ATP10D: variants seen among roughly 807,000 people sequenced by gnomAD.
ATP10D encodes phospholipid-transporting ATPase VD.
ATP10D carries 89 observed loss-of-function variants against 144.8 expected under a neutral mutation model. The observed-to-expected ratio is 0.61, with a 90% CI of 0.52 to 0.73. ATP10D has a LOEUF of 0.73. ATP10D is among the 30% of genes least tolerant of loss of function. The pLI, the probability that ATP10D is intolerant of heterozygous loss-of-function variation, is 0.00. For synonymous variants in ATP10D, 571 were observed against 615.1 expected (o/e 0.93, Z 1.06); for missense variants, 1,603 against 1,714.8 (o/e 0.93, Z 1.15).
In ATP10D at chr4:47,554,896, T is replaced by G. The variant is rs199609412; in HGVS notation, c.1806T>G (p.Pro602=). ...GCAACACAGTAGTGGTTTCTGCTCC[T>G]AACCAACCCCGACAAAAGGTGAGTA... ...AICNTVVVSA[P]NQPRQKIRHP... Residue 602 remains proline, a synonymous_variant, in exon 11 of 23, where the codon CCT becomes CCG. Coordinates refer to ENST00000273859, the MANE Select transcript of ATP10D (RefSeq NM_020453.4). 1.7e-5 allele frequency: 28 copies of G among 1,613,720 alleles called. No individual in the cohort carries two copies. Among genetic ancestry groups the G allele is most frequent in the Non-Finnish European group, 2.4e-5 (28 of 1,179,894 alleles).
At position 47,569,082 on chromosome 4, in the gene ATP10D, G is replaced by T. The variant is rs751301618; in HGVS notation, c.3099G>T (p.Pro1033=). 1 of 1,614,076 alleles carries T rather than the reference G, an allele frequency of 6.2e-7. No individual in the cohort carries two copies. Among genetic ancestry groups the T allele is most frequent in the African/African-American group, 1.3e-5 (1 of 74,926 alleles). The change falls in exon 16 of 23, where the codon CCG becomes CCT. Residue 1033 remains proline (P), a synonymous_variant. Coordinates refer to ENST00000273859, the MANE Select transcript of ATP10D (RefSeq NM_020453.4). ...CTGTGGTCTGCTGCCGAGCCACACC[G>T]CTGCAGAAAAGTGAAGTGGTGAAAT... ...CQAVVCCRAT[P]LQKSEVVKLV...
intron 14 of ATP10D, among the ~76,000 whole-genome samples, chr4:47,561,452 C>G (rs1231875512): frequency 6.6e-6 from 1 of 151,962 alleles, no homozygotes; most frequent in Non-Finnish European, 1.5e-5. Context: ...TTTGAATTCT[C>G]ACAACAAATC....
At position 47,504,707 on chromosome 4, in the gene ATP10D, C is replaced by T. The variant is rs545689911; in HGVS notation, c.-37-7797C>T. Among the ~76,000 whole-genome samples, 21 of 152,196 alleles carry T rather than the reference C, an allele frequency of 1.4e-4. 1 individual carries two copies. The highest frequency in any genetic ancestry group is 4.8e-4 in the African/African-American group (20 of 41,512). On this transcript the variant is annotated intron_variant, in intron 1 of 22. Coordinates refer to ENST00000273859, the MANE Select transcript of ATP10D (RefSeq NM_020453.4). ...CCTCCCAAGTAGCTGGGACTACAGG[C>T]GCCCGCCACCACGCCTGGCTAATTT...
intron 1 of ATP10D, among the ~76,000 whole-genome samples, chr4:47,496,854 A>T (rs920328017): frequency 1.3e-5 from 2 of 151,860 alleles, no homozygotes; most frequent in African/African-American, 4.8e-5. Flanking sequence ...TAATTAATTA[A>T]TTTTTGAGAC....
intron 1 of ATP10D, among the ~76,000 whole-genome samples, chr4:47,501,020 C>T (rs1715654981): frequency 6.6e-6 from 1 of 152,140 alleles, no homozygotes; most frequent in Non-Finnish European, 1.5e-5. Context: ...CCACTTTCAA[C>T]CTGTAGGTAC....
chr4:47,518,479 A>G (rs1716793227), intron 3 of ATP10D, among the ~76,000 whole-genome samples: 1 of 152,174 alleles, frequency 6.6e-6, no homozygotes. Context: ...TAATCATTCA[A>G]CAAATCTGAG....
chr4:47,504,287 T>C (rs1215749481), intron 1 of ATP10D, among the ~76,000 whole-genome samples: 1 of 152,214 alleles, frequency 6.6e-6, no homozygotes, highest in Admixed American at 6.5e-5. Context: ...AAAACCTTTT[T>C]TTTGTAGATA....
chr4:47,561,270 G>A (rs1719281960), intron 14 of ATP10D, among the ~76,000 whole-genome samples, 195 bp downstream of exon 14: 1 of 152,182 alleles, frequency 6.6e-6, no homozygotes, highest in South Asian at 2.1e-4. Context: ...CTTCACTTGT[G>A]ATGGGGTCAG....
chr4:47,568,657 C>T (rs1719766207), intron 15 of ATP10D, among the ~76,000 whole-genome samples, 180 bp from the exon 16 acceptor site: 1 of 152,162 alleles, frequency 6.6e-6, no homozygotes, highest in Admixed American at 6.5e-5. Context: ...CCTTTTAACC[C>T]ATCCCCACAT....
intron 21 of ATP10D, among the ~76,000 whole-genome samples, chr4:47,586,648 A>C (rs1174066011): frequency 6.6e-6 from 1 of 152,178 alleles, no homozygotes; most frequent in African/African-American, 2.4e-5. Flanking sequence ...TGAATGGCTT[A>C]AGTTTGAGGT....
At chr4:47,498,894 A>T (rs1238890335) in intron 1 of ATP10D, among the ~76,000 whole-genome samples, 1 of 152,234 alleles carries the variant, frequency 6.6e-6, no homozygotes, top group Non-Finnish European at 1.5e-5. Context: ...ACATACATAC[A>T]CAACTTATCA....
At chr4:47,569,702 A>C (rs1039972831) in intron 16 of ATP10D, among the ~76,000 whole-genome samples, 1 of 152,226 alleles carries the variant, frequency 6.6e-6, no homozygotes, top group Non-Finnish European at 1.5e-5. Context: ...TTGAAAAAAT[A>C]AAGTGGAATG....
At chr4:47,515,768 T>G in intron 3 of ATP10D, 98 bp downstream of exon 3, 1 of 934,190 alleles carries the variant, frequency 1.1e-6, no homozygotes, top group Non-Finnish European at 1.6e-6. Flanking sequence ...AGGACCCTTT[T>G]GTGGTGGTGT....
In ATP10D at chr4:47,523,027, C is replaced by T. The variant is rs761504006; in HGVS notation, c.501C>T (p.Tyr167=). 4.4e-6 allele frequency: 7 copies of T among 1,609,036 alleles called. No individual in the cohort carries two copies. The highest frequency in any genetic ancestry group is 5.1e-6 in the Non-Finnish European group (6 of 1,177,382). ...TTAATTACAGGAAAGAGAAAAAATACATTGACCGATGCTGGAAAGACGTTA... is the reference window on the plus strand; with the variant it reads ...TTAATTACAGGAAAGAGAAAAAATATATTGACCGATGCTGGAAAGACGTTA... ...TKVYSRKEKK[Y]IDRCWKDVTV... is the part of the protein sequence containing the mutation. The change falls in exon 4 of 23, where the codon TAC becomes TAT. Residue 167 remains tyrosine, a synonymous_variant. Coordinates refer to ENST00000273859, the MANE Select transcript of ATP10D (RefSeq NM_020453.4).
chr4:47,571,417 A>G (rs1437480606), intron 16 of ATP10D, among the ~76,000 whole-genome samples: 2 of 151,768 alleles, frequency 1.3e-5, no homozygotes, highest in African/African-American at 4.8e-5. Context: ...TGAACCAATT[A>G]CTGAGGCCAG....
chr4:47,566,873 C>G (rs762453385), intron 15 of ATP10D, among the ~76,000 whole-genome samples: 1 of 152,150 alleles, frequency 6.6e-6, no homozygotes, highest in Non-Finnish European at 1.5e-5. Context: ...CAGACTGTAA[C>G]TTATACCCAA....
At chr4:47,515,434 A>C (rs370900814) in intron 2 of ATP10D, 42 bp from the exon 3 acceptor site, 13 of 1,524,458 alleles carry the variant, frequency 8.5e-6, no homozygotes, top group Non-Finnish European at 1.1e-5. Context: ...TCAGTCCTTG[A>C]AGTAACTTCT....
intron 5 of ATP10D, among the ~76,000 whole-genome samples, chr4:47,531,554 C>T (rs1404362862): frequency 6.6e-6 from 1 of 152,086 alleles, no homozygotes; most frequent in East Asian, 1.9e-4. Context: ...AAACATTTAT[C>T]CTGAAGTTAT....
chr4:47,539,442 T>G (rs1179661711), intron 9 of ATP10D, among the ~76,000 whole-genome samples: 5 of 152,212 alleles, frequency 3.3e-5, no homozygotes, highest in African/African-American at 7.2e-5. Flanking sequence ...TCAAACAGAA[T>G]AGATCACTGT....
Sources: gnomAD v4.1 joint callset for allele counts (sites outside exome capture counted in the v4.1 genomes callset) on GRCh38, gnomAD v4.1.1 for gene constraint, MANE v1.5 for transcripts, NCBI Gene and HGNC (gene_info 2026-07-23, HGNC 2026-07-21) for gene names.